ITPRID2: variants seen among roughly 807,000 people sequenced by gnomAD.
ITPRID2 encodes the protein ITPR interacting domain containing 2.
A neutral mutation model predicts 124.3 loss-of-function variants in ITPRID2; 60 were observed. That is an observed-to-expected ratio of 0.48 (90% CI 0.39 to 0.60). ITPRID2 has a LOEUF of 0.60. ITPRID2 is among the 20% of genes least tolerant of loss of function. The pLI is 0.00. For synonymous variants in ITPRID2, 521 were observed against 542.9 expected, an observed-to-expected ratio of 0.96 and a Z score of 0.56; for missense variants, 1,553 against 1,512.2, an observed-to-expected ratio of 1.03 and a Z score of -0.45.
Position 181,901,900 on chromosome 2 carries a change from C to T in ITPRID2, c.847C>T (p.Pro283Ser), listed in dbSNP as rs781377426. Residue 283 changes from proline (P) to serine (S), a missense_variant, in exon 8 of 18, where the codon CCT becomes TCT. Coordinates refer to ENST00000431877, the MANE Select transcript of ITPRID2 (RefSeq NM_001130445.3). ...GACCTCTAACAAGGAGACAGACCCACCTCCACCTTTAACTCGAAGTAACAC... is the reference window on the plus strand; with the variant it reads ...GACCTCTAACAAGGAGACAGACCCATCTCCACCTTTAACTCGAAGTAACAC... ...SVTSNKETDP[P>S]PPLTRSNTAN... 6.2e-7 allele frequency: 1 copy of T among 1,613,766 alleles called. No homozygotes were observed. The highest frequency in any genetic ancestry group is 2.2e-5 in the East Asian group (1 of 44,878).
Position 181,915,919 on chromosome 2 carries a change from C to T in ITPRID2, c.2279C>T (p.Pro760Leu), listed in dbSNP as rs1216944397. The T allele has an allele frequency of 1.9e-6, 3 of 1,614,052 alleles. No individual in the cohort carries two copies. Among genetic ancestry groups the T allele is most frequent in the African/African-American group, 2.7e-5 (2 of 74,900 alleles). The change falls in exon 11 of 18, where the codon CCA (proline) becomes CTA (leucine). Residue 760 changes from proline (P) to leucine (L), a missense_variant. Transcript: ENST00000431877. ...TCCTCTGTCAATGTTCGATTATCTC[C>T]AGGAAAAGAGACCAGATGCAGCCCA... ...VVSSVNVRLS[P>L]GKETRCSPPS...
Position 181,915,996 on chromosome 2 carries a change from C to T in ITPRID2, c.2356C>T (p.Arg786Trp), listed in dbSNP as rs781661868. 1.8e-5 allele frequency: 29 copies of T among 1,614,016 alleles called. No individual in the cohort carries two copies. The highest frequency in any genetic ancestry group is 7.7e-5 in the South Asian group (7 of 91,072). The change falls in exon 11 of 18, where the codon CGG becomes TGG. Residue 786 changes from arginine (R) to tryptophan (W), a missense_variant. Coordinates refer to ENST00000431877, the MANE Select transcript of ITPRID2 (RefSeq NM_001130445.3). ...TPEEEQELEK[R>W]VMEHDGQSLV... ...TGAAGAGGAGCAGGAATTGGAAAAG[C>T]GGGTGATGGAACATGATGGTCAGTC...
intron 6 of ITPRID2, among the ~76,000 whole-genome samples, chr2:181,899,619 T>C (rs1274885900): frequency 6.6e-6 from 1 of 152,118 alleles, no homozygotes. Context: ...GTGGATTACT[T>C]GAGCTTAGGA....
chr2:181,913,426 A>T (rs1277937735), intron 9 of ITPRID2, among the ~76,000 whole-genome samples: 6 of 152,178 alleles, frequency 3.9e-5, no homozygotes, highest in South Asian at 2.1e-4. Context: ...TGCTCTCTAT[A>T]TGAACTTCTA....
Position 181,913,833 on chromosome 2 carries a change from T to C in ITPRID2, c.1487-12T>C. 6.3e-7 allele frequency: 1 copy of C among 1,598,382 alleles called. No individual in the cohort carries two copies. The highest frequency in any genetic ancestry group is 8.5e-7 in the Non-Finnish European group (1 of 1,174,158). On this transcript the variant is annotated splice_polypyrimidine_tract_variant and intron_variant, in intron 9 of 17. Transcript: ENST00000431877. ...TCATCTGTTTCTTATAGCCACATTT[T>C]TTTATTCATAGATCATCTGTTACGT...
Position 181,916,207 on chromosome 2 carries a change from G to A in ITPRID2, c.2567G>A (p.Arg856Lys), listed in dbSNP as rs1332612003. Reference protein sequence around the residue: ...LHSIHSEWQERPLCEHTRTLS... With the variant: ...LHSIHSEWQEKPLCEHTRTLS... ...TCCATCCACTCTGAGTGGCAAGAAA[G>A]GCCCCTGTGTGAGCACACAAGAACT... The change falls in exon 11 of 18, where the codon AGG becomes AAG. Residue 856 changes from arginine to lysine, a missense_variant. Transcript: ENST00000431877. 1.2e-6 allele frequency: 2 copies of A among 1,614,046 alleles called. No homozygotes were observed. Among genetic ancestry groups the A allele is most frequent in the Non-Finnish European group, 1.7e-6 (2 of 1,180,046 alleles).
At chr2:181,898,820 A>G (rs1413905210) in intron 4 of ITPRID2, 60 bp from the exon 5 acceptor site, 3 of 1,133,566 alleles carry the variant, frequency 2.6e-6, no homozygotes, top group South Asian at 1.3e-5. Flanking sequence ...TGATAATTGT[A>G]TCATAGTAGT....
Position 181,930,662 on chromosome 2 carries a change from A to G in ITPRID2, c.*1115A>G, listed in dbSNP as rs1424143226. On this transcript the variant is annotated 3_prime_UTR_variant, in exon 18 of 18. Transcript: ENST00000431877. The stretch of plus-strand genomic sequence containing the variant: ...GAAAGAATCTCTAAAAGGCTTATAA[A>G]TGTTTGAAATATCACACAAAGGCTG... The G allele has an allele frequency of 1.3e-5, 2 of 152,556 alleles. No individual in the cohort carries two copies. Among genetic ancestry groups the G allele is most frequent in the Non-Finnish European group, 2.9e-5 (2 of 68,010 alleles). 9.5% of individuals were successfully genotyped at this position (152,556 alleles called of 1,614,324 possible). A position where few individuals can be genotyped will look rare whatever the true frequency, so the allele number is the denominator to read the frequency against.
chr2:181,911,507 G>A (rs181377790), intron 9 of ITPRID2, among the ~76,000 whole-genome samples: 63 of 152,270 alleles, frequency 4.1e-4, no homozygotes, highest in Admixed American at 2.5e-3. Context: ...TTTAGTCTAG[G>A]AGAGAATAGA....
Position 181,918,837 on chromosome 2 carries a change from T to A in ITPRID2, c.2948T>A (p.Leu983Gln). Residue 983 changes from leucine to glutamine, a missense_variant, in exon 13 of 18, where the codon CTG (leucine) becomes CAG (glutamine). Coordinates refer to ENST00000431877, the MANE Select transcript of ITPRID2 (RefSeq NM_001130445.3). ...ATGATGGATTTAGAATTGGCAATGCTGCGTCAGCAAACCATGGTTTATCAT... is the reference window on the plus strand; with the variant it reads ...ATGATGGATTTAGAATTGGCAATGCAGCGTCAGCAAACCATGGTTTATCAT... ...TQMMDLELAM[L>Q]RQQTMVYHHM... 1 of 1,614,218 alleles carries A rather than the reference T, an allele frequency of 6.2e-7. No homozygotes were observed. The highest frequency in any genetic ancestry group is 8.5e-7 in the Non-Finnish European group (1 of 1,180,038).
chr2:181,913,366 CCTAA>C (rs1216544037), intron 9 of ITPRID2, among the ~76,000 whole-genome samples: 2 of 152,126 alleles, frequency 1.3e-5, no homozygotes, highest in East Asian at 1.9e-4. Flanking sequence ...CGCGCCCAGC[CCTAA>C]CTGTGTTTTT....
Position 181,918,977 on chromosome 2 carries a change from C to T in ITPRID2, c.2993+95C>T, listed in dbSNP as rs749888660. 2.8e-6 allele frequency: 4 copies of T among 1,452,416 alleles called. No homozygotes were observed. In the Admixed American group the frequency reaches 6.3e-5, roughly 23 times the overall value. The allele number at this position is 1,452,416 out of a possible 1,614,324, so 90.0% of individuals were successfully genotyped here. On this transcript the variant is annotated intron_variant, in intron 13 of 17. Coordinates refer to ENST00000431877, the MANE Select transcript of ITPRID2 (RefSeq NM_001130445.3). ...TTAAAATTAGGTTTTGATTCTACTG[C>T]TGTGTACCTTGTATCTGTTTTGTGA...
chr2:181,922,491 A>G (rs1169162058), intron 16 of ITPRID2, 79 bp downstream of exon 16: 2 of 1,285,996 alleles, frequency 1.6e-6, no homozygotes. Flanking sequence ...AATTATTTAC[A>G]GAATGTTCTT....
rs894256537 is a variant in ITPRID2, at chr2:181,903,524, C to G, written c.1413+1058C>G. Among the ~76,000 whole-genome samples the G allele has an allele frequency of 2.6e-5, 4 of 152,008 alleles. No homozygotes were observed. The East Asian group carries it at 7.7e-4, about 29-fold the overall frequency. The stretch of plus-strand genomic sequence containing the variant: ...GTCTCTCTCTCTTGCTCCCTCCCTC[C>G]CTCCCTCAGATTAGTGAAGATTTTT... On this transcript the variant is annotated intron_variant, in intron 8 of 17. Transcript: ENST00000431877.
chr2:181,924,912 G>A (rs934014569), intron 16 of ITPRID2, among the ~76,000 whole-genome samples: 1 of 152,194 alleles, frequency 6.6e-6, no homozygotes, highest in African/African-American at 2.4e-5. Flanking sequence ...GCCTGAAACT[G>A]TTTGCAGTTA....
At position 181,916,399 on chromosome 2, in the gene ITPRID2, T is replaced by C. The variant is rs781651272; in HGVS notation, c.2759T>C (p.Ile920Thr). ...CAGTTGCGAAGAGTATTACATGATA[T>C]TAGAAACTCACTGCAGAATCTTTCA... ...EMQLRRVLHD[I>T]RNSLQNLSQY... Residue 920 changes from isoleucine to threonine, a missense_variant, in exon 11 of 18, where the codon ATT becomes ACT. Ile to Thr is a moderately conservative substitution (Grantham distance 89, BLOSUM62 -1). Transcript: ENST00000431877. 3.1e-6 allele frequency: 5 copies of C among 1,613,798 alleles called. No homozygotes were observed. In the South Asian group the frequency reaches 5.5e-5, roughly 18 times the overall value.
chr2:181,924,258 AT>A lies in ITPRID2; in HGVS notation c.3675+1847del, dbSNP rs570954432. 1.3e-4 allele frequency among the ~76,000 whole-genome samples: 20 copies of A among 152,332 alleles called. No homozygotes were observed. The South Asian group carries it at 3.7e-3, about 28-fold the overall frequency. ...TTGAAGTACTTTAAAAGCATATTTAATAGTTTAATGCCAGTTATAATTTAAA... is the reference window on the plus strand; with the variant it reads ...TTGAAGTACTTTAAAAGCATATTTAAAGTTTAATGCCAGTTATAATTTAAA... On this transcript the variant is annotated intron_variant, in intron 16 of 17. Transcript: ENST00000431877.
chr2:181,892,647 C>G lies in ITPRID2; in HGVS notation c.244C>G (p.Leu82Val). ...NVPNEKIAIWLKDCRTPLGAS... is the reference protein window; with the variant it reads ...NVPNEKIAIWVKDCRTPLGAS... ...GCCCAACGAGAAGATCGCGATATGG[C>G]TCAAGGACTGCCGGTGAGTGCTCCC... Residue 82 changes from leucine (L) to valine (V), a missense_variant, in exon 2 of 18, where the codon CTC becomes GTC. Leu to Val is a conservative substitution (Grantham distance 32). Coordinates refer to ENST00000431877, the MANE Select transcript of ITPRID2 (RefSeq NM_001130445.3). The surrounding 1 kb of genome is among the most constrained non-coding windows in gnomAD (Gnocchi z 5.2). 6.2e-7 allele frequency: 1 copy of G among 1,614,136 alleles called. No homozygotes were observed. The highest frequency in any genetic ancestry group is 8.5e-7 in the Non-Finnish European group (1 of 1,180,006).
chr2:181,930,575 A>G lies in ITPRID2; in HGVS notation c.*1028A>G, dbSNP rs1695204147. The G allele has an allele frequency of 6.6e-6, 1 of 152,614 alleles. No individual in the cohort carries two copies. Among genetic ancestry groups the G allele is most frequent in the Admixed American group, 6.5e-5 (1 of 15,298 alleles). 9.5% of individuals were successfully genotyped at this position (152,614 alleles called of 1,614,324 possible). A position where few individuals can be genotyped will look rare whatever the true frequency, so the allele number is the denominator to read the frequency against. ...AGCATTTATAATTTTTTCAACTCCT[A>G]TTGTGTTTCTTTGTGTGTGATATTT... On this transcript the variant is annotated 3_prime_UTR_variant, in exon 18 of 18. Coordinates refer to ENST00000431877, the MANE Select transcript of ITPRID2 (RefSeq NM_001130445.3).
Sources: allele counts gnomAD v4.1 joint callset (sites outside exome capture counted in the v4.1 genomes callset), GRCh38; gene constraint gnomAD v4.1.1; non-coding constraint Gnocchi (gnomAD v3.1); transcripts MANE v1.5; gene names NCBI Gene and HGNC (gene_info 2026-07-23, HGNC 2026-07-21).